The following STK17B variants were observed in gnomAD, a reference collection of about 807,000 sequenced individuals.
STK17B encodes serine/threonine kinase 17b.
A neutral mutation model predicts 42.0 loss-of-function variants in STK17B; 21 were observed. That is an observed-to-expected ratio of 0.50 (90% confidence interval 0.35 to 0.72). STK17B has a LOEUF of 0.72. Ranked by LOEUF, STK17B falls within the 30% of genes least tolerant of loss-of-function variation. The pLI is 0.00. For missense variants in STK17B, 349 were observed against 446.0 expected, an observed-to-expected ratio of 0.78 and a Z score of 1.96; for synonymous variants, 143 against 148.4, an observed-to-expected ratio of 0.96 and a Z score of 0.26.
At chr2:196,160,977 C>T (rs1699803966) in intron 2 of STK17B, among the ~76,000 whole-genome samples, 1 of 152,076 alleles carries the variant, frequency 6.6e-6, no homozygotes, top group African/African-American at 2.4e-5. Context: ...TTTTTTAGCT[C>T]CTATAATGTC....
At chr2:196,160,839 T>C (rs1475978651) in intron 2 of STK17B, among the ~76,000 whole-genome samples, 1 of 152,200 alleles carries the variant, frequency 6.6e-6, no homozygotes, top group Non-Finnish European at 1.5e-5. Flanking sequence ...TGATCTAAAA[T>C]TCTAAAAAGT....
rs1699568240 is a variant in STK17B, at chr2:196,146,024, AAC to A, written c.365_366del (p.Cys122PhefsTer3). On this transcript the variant is annotated frameshift_variant, in exon 4 of 8. Transcript: ENST00000263955. LOFTEE classifies it high-confidence loss of function. ...GAAACCATTTCAGCCAACTCAGGTA[AAC>A]ACAGGCTGAAAATTTCTCCACCTGC... ...YAAGGEIFSLCLPELAEMVSE... is the reference protein window; with the variant it reads ...YAAGGEIFSLXLPELAEMVSE... 6.3e-7 allele frequency: 1 copy of A among 1,592,828 alleles called. No individual in the cohort carries two copies. The highest frequency in any genetic ancestry group is 8.5e-7 in the Non-Finnish European group (1 of 1,174,530).
chr2:196,142,009 T>C (rs1320961805), intron 5 of STK17B, among the ~76,000 whole-genome samples: 1 of 152,234 alleles, frequency 6.6e-6, no homozygotes, highest in Non-Finnish European at 1.5e-5. Context: ...AATAGGATCA[T>C]GTGCATCTGC....
At chr2:196,146,319 C>T (rs1366810719) in intron 3 of STK17B, among the ~76,000 whole-genome samples, 1 of 151,982 alleles carries the variant, frequency 6.6e-6, no homozygotes, top group African/African-American at 2.4e-5. Flanking sequence ...TCAGCTTGGC[C>T]AACATGGTGA....
At chr2:196,167,015 A>G (rs1318478463) in intron 1 of STK17B, among the ~76,000 whole-genome samples, 1 of 152,166 alleles carries the variant, frequency 6.6e-6, no homozygotes, top group African/African-American at 2.4e-5. Flanking sequence ...CACCAGCTAC[A>G]TTTCCTGCCG....
In STK17B at chr2:196,133,927, G is replaced by A. The variant is rs1219727447; in HGVS notation, c.*3520C>T. The A allele has an allele frequency of 6.6e-6, 1 of 152,038 alleles. No homozygotes were observed. Among genetic ancestry groups the A allele is most frequent in the African/African-American group, 2.4e-5 (1 of 41,398 alleles). 9.4% of individuals were successfully genotyped at this position (152,038 alleles called of 1,614,324 possible). On this transcript the variant is annotated 3_prime_UTR_variant, in exon 8 of 8. Coordinates refer to ENST00000263955, the MANE Select transcript of STK17B (RefSeq NM_004226.4). ...TTGATAATAATCCCCCCAAACTGAA[G>A]TGAAATACTTTTAATACTACTTGAA...
At chr2:196,173,249 C>T (rs1216727969), upstream of STK17B, among the ~76,000 whole-genome samples, 1 of 152,164 alleles carries the variant, frequency 6.6e-6, no homozygotes, top group Non-Finnish European at 1.5e-5. Context: ...TCTGCCTTAG[C>T]TCCAGCTTAT....
rs550592942 is a variant in STK17B, at chr2:196,134,909, C to T, written c.*2538G>A. On this transcript the variant is annotated 3_prime_UTR_variant, in exon 8 of 8. Coordinates refer to ENST00000263955, the MANE Select transcript of STK17B (RefSeq NM_004226.4). ...AAGAATTGAATCATTTGCTAAAAAGCTCTTAAATGATTGGTCTATTTTCAT... is the reference window on the plus strand; with the variant it reads ...AAGAATTGAATCATTTGCTAAAAAGTTCTTAAATGATTGGTCTATTTTCAT... 2 of 152,262 alleles carry T rather than the reference C, an allele frequency of 1.3e-5. No individual in the cohort carries two copies. The highest frequency in any genetic ancestry group is 4.1e-4 in the South Asian group (2 of 4,830). 9.4% of individuals were successfully genotyped at this position (152,262 alleles called of 1,614,324 possible). A position where few individuals can be genotyped will look rare whatever the true frequency, so the allele number is the denominator to read the frequency against.
In STK17B at chr2:196,145,841, T is replaced by C. The variant is rs142333852; in HGVS notation, c.480+70A>G. On this transcript the variant is annotated intron_variant, in intron 4 of 7. Coordinates refer to ENST00000263955, the MANE Select transcript of STK17B (RefSeq NM_004226.4). ...ACCATTGTTTCCTGTTAATACCAGT[T>C]TGCAACTGTGCATACTAAGAGCAGA... The C allele has an allele frequency of 4.7e-4, 674 of 1,427,552 alleles. 7 individuals are homozygous for C. The East Asian group carries it at 0.014, about 30-fold the overall frequency. The allele number at this position is 1,427,552 out of a possible 1,614,324, so 88.4% of individuals were successfully genotyped here. A position where few individuals can be genotyped will look rare whatever the true frequency, so the allele number is the denominator to read the frequency against.
intron 3 of STK17B, among the ~76,000 whole-genome samples, chr2:196,146,779 G>T (rs996727577): frequency 5.3e-5 from 8 of 151,904 alleles, no homozygotes; most frequent in African/African-American, 1.9e-4. Context: ...GAGGTACATG[G>T]TTACTACACC....
chr2:196,163,462 T>C, intron 1 of STK17B, 35 bp from the exon 2 acceptor site: 2 of 1,481,006 alleles, frequency 1.4e-6, no homozygotes, highest in Non-Finnish European at 1.8e-6. Flanking sequence ...GAAAAGATGT[T>C]ATCTCAGGCA....
At chr2:196,159,025 C>A (rs78320363) in intron 2 of STK17B, among the ~76,000 whole-genome samples, 5,816 of 133,590 alleles carry the variant, frequency 0.044, 338 homozygotes, top group African/African-American at 0.13. Context: ...AAAAAAAAAA[C>A]AAAAAAACAG....
chr2:196,143,687 C>A lies in STK17B; in HGVS notation c.481-1G>T. On this transcript the variant is annotated splice_acceptor_variant, in intron 4 of 7. Coordinates refer to ENST00000263955, the MANE Select transcript of STK17B (RefSeq NM_004226.4). LOFTEE classifies it high-confidence loss of function. ...TGCTGCTCAGTAATATATTCTGTGG[C>A]TAAACAAAGTACAACAAAAACATGA... is the stretch of plus-strand genomic sequence containing the variant. 1 of 1,501,132 alleles carries A rather than the reference C, an allele frequency of 6.7e-7. No homozygotes were observed. The highest frequency in any genetic ancestry group is 8.9e-7 in the Non-Finnish European group (1 of 1,124,202). 93.0% of individuals were successfully genotyped at this position (1,501,132 alleles called of 1,614,324 possible).
intron 3 of STK17B, among the ~76,000 whole-genome samples, chr2:196,150,420 A>T (rs932951757): frequency 2.0e-5 from 3 of 152,208 alleles, no homozygotes; most frequent in Admixed American, 2.0e-4. Flanking sequence ...TGATAAGAGT[A>T]CTTTAGCACA....
intron 7 of STK17B, among the ~76,000 whole-genome samples, chr2:196,138,894 T>C (rs1423261475): frequency 2.0e-5 from 3 of 149,348 alleles, no homozygotes; most frequent in Admixed American, 6.7e-5. Flanking sequence ...TTTTGTAAGG[T>C]TGTCAAAGGG....
At position 196,157,000 on chromosome 2, in the gene STK17B, A is replaced by G. The variant is rs565892287; in HGVS notation, c.123-349T>C. ...GCCAACATGGCAAAACCCTGTCTCT[A>G]CTAAAAATATAAAAATCAGCCAGGC... On this transcript the variant is annotated intron_variant, in intron 2 of 7. Transcript: ENST00000263955. 4.6e-5 allele frequency among the ~76,000 whole-genome samples: 7 copies of G among 152,280 alleles called. No homozygotes were observed. In the South Asian group the frequency reaches 1.4e-3, roughly 32 times the overall value.
At chr2:196,174,274 T>C (rs1030331326), upstream of STK17B, 2 of 152,036 alleles carry the variant, frequency 1.3e-5, no homozygotes, top group Non-Finnish European at 2.9e-5. Flanking sequence ...AAGGTGATCC[T>C]CTCCGGTAAT....
At chr2:196,163,237 C>A in intron 2 of STK17B, 25 bp downstream of exon 2, 3 of 1,605,930 alleles carry the variant, frequency 1.9e-6, no homozygotes, top group Non-Finnish European at 2.5e-6. Context: ...ATTTAGATGG[C>A]ATACACGTCA....
At chr2:196,141,095 A>T (rs1486054344) in intron 6 of STK17B, among the ~76,000 whole-genome samples, 154 bp downstream of exon 6, 2 of 152,238 alleles carry the variant, frequency 1.3e-5, no homozygotes, top group Admixed American at 6.5e-5. Flanking sequence ...AAAATAATGG[A>T]AAGGTAAATA....
Sources: allele counts gnomAD v4.1 joint callset (sites outside exome capture counted in the v4.1 genomes callset), GRCh38; gene constraint gnomAD v4.1.1; transcripts MANE v1.5; gene names NCBI Gene and HGNC (gene_info 2026-07-23, HGNC 2026-07-21).